Variants in CREB5 observed in about 807,000 individuals in gnomAD.
CREB5 encodes cAMP responsive element binding protein 5.
In CREB5, 19 loss-of-function variants were observed where a neutral mutation model predicts 57.1. The observed-to-expected ratio is 0.33, with a 90% CI of 0.23 to 0.49. The LOEUF (loss-of-function observed/expected upper bound fraction) is 0.49, where lower values mean the gene tolerates loss of function less well. CREB5 is among the 20% of genes least tolerant of loss of function. CREB5 has a pLI of 0.99. For synonymous variants in CREB5, 238 were observed against 238.3 expected (o/e 1.00, Z 0.01); for missense variants, 579 against 671.6 (o/e 0.86, Z 1.52).
chr7:28,507,493 G>T, intron 3 of CREB5, 123 bp from the exon 4 acceptor site: 1 of 1,163,916 alleles, frequency 8.6e-7, no homozygotes. Context: ...AGGGCCAAGA[G>T]ACTGGATGGC....
intron 4 of CREB5, among the ~76,000 whole-genome samples, chr7:28,539,901 G>A (rs1461800621): frequency 2.6e-5 from 4 of 152,116 alleles, no homozygotes; most frequent in Admixed American, 6.6e-5. Context: ...GCCCACCATC[G>A]CCTAAGTTGT....
chr7:28,491,133 T>C, intron 2 of CREB5: 2 of 853,922 alleles, frequency 2.3e-6, no homozygotes, highest in Non-Finnish European at 2.8e-6. Context: ...GAGAACTCTT[T>C]CAAGAGCACT....
At chr7:28,320,353 T>C (rs1785474993) in intron 1 of CREB5, among the ~76,000 whole-genome samples, 2 of 152,122 alleles carry the variant, frequency 1.3e-5, no homozygotes, top group African/African-American at 4.8e-5. Context: ...ACAGGGAATC[T>C]AGGGGCCGTT....
chr7:28,725,660 AAAG>A (rs772732900), intron 7 of CREB5, among the ~76,000 whole-genome samples: 44 of 132,290 alleles, frequency 3.3e-4, no homozygotes, highest in East Asian at 2.0e-3. Context: ...AAAAAAAAAA[AAAG>A]AAAGAAAGAA....
At chr7:28,467,742 T>G (rs1217847979) in intron 1 of CREB5, among the ~76,000 whole-genome samples, 1 of 152,112 alleles carries the variant, frequency 6.6e-6, no homozygotes, top group Admixed American at 6.5e-5. Context: ...ATCTACCTCA[T>G]GTCTATATCA....
At chr7:28,353,926 T>C (rs903876403) in intron 1 of CREB5, among the ~76,000 whole-genome samples, 2 of 151,710 alleles carry the variant, frequency 1.3e-5, no homozygotes, top group Middle Eastern at 3.4e-3. Context: ...CAAAGGGTGA[T>C]GAAGTGGACA....
intron 1 of CREB5, among the ~76,000 whole-genome samples, chr7:28,416,480 G>T (rs922154803): frequency 6.6e-6 from 1 of 152,154 alleles, no homozygotes; most frequent in Non-Finnish European, 1.5e-5. Flanking sequence ...GTTGGCTTCT[G>T]ACTGGCCAGG....
intron 7 of CREB5, among the ~76,000 whole-genome samples, chr7:28,735,521 G>T (rs1229586277): frequency 6.6e-6 from 1 of 152,186 alleles, no homozygotes; most frequent in Admixed American, 6.5e-5. Context: ...GGGTGGGTAA[G>T]TGTTGCTGAC....
At position 28,395,162 on chromosome 7, in the gene CREB5, A is replaced by T. The variant is rs139279174; in HGVS notation, c.-25+95721A>T. Among the ~76,000 whole-genome samples the T allele has an allele frequency of 1.4e-3, 214 of 152,300 alleles. 1 individual carries two copies. Among genetic ancestry groups the T allele is most frequent in the African/African-American group, 4.9e-3 (204 of 41,576 alleles). ...TATTAGGGTCTTCATTTAAACAAAA[A>T]CCATTTTAAATGACGTCTGTCAATC... On this transcript the variant is annotated intron_variant, in intron 1 of 9. Transcript: ENST00000396299.
At chr7:28,444,531 C>T (rs1039666697) in intron 1 of CREB5, among the ~76,000 whole-genome samples, 1 of 152,162 alleles carries the variant, frequency 6.6e-6, no homozygotes, top group Non-Finnish European at 1.5e-5. Context: ...ATCATTGTTC[C>T]TTTCAACCAA....
intron 1 of CREB5, among the ~76,000 whole-genome samples, chr7:28,466,581 T>A (rs1790581653): frequency 6.6e-6 from 1 of 152,184 alleles, no homozygotes; most frequent in South Asian, 2.1e-4. Context: ...ACTAAGCTTT[T>A]CGTGTCACAA....
intron 4 of CREB5, among the ~76,000 whole-genome samples, chr7:28,508,322 A>T (rs1196481084): frequency 6.6e-6 from 1 of 152,246 alleles, no homozygotes; most frequent in Non-Finnish European, 1.5e-5. Flanking sequence ...CTGAAATTTA[A>T]AATCACTTTA....
intron 5 of CREB5, among the ~76,000 whole-genome samples, chr7:28,679,031 C>A (rs1800462078): frequency 7.5e-6 from 1 of 133,820 alleles, no homozygotes; most frequent in African/African-American, 2.6e-5. Flanking sequence ...CCTCTTCAAA[C>A]TCATTTTTAC....
chr7:28,448,388 T>C (rs1018178348), intron 1 of CREB5, among the ~76,000 whole-genome samples: 12 of 152,376 alleles, frequency 7.9e-5, no homozygotes, highest in Admixed American at 2.6e-4. Flanking sequence ...TTTTATTTTT[T>C]ATTGCTTCCA....
At chr7:28,791,360 T>C (rs7801187) in intron 7 of CREB5, among the ~76,000 whole-genome samples, 93,645 of 152,098 alleles carry the variant, frequency 0.62, 29,478 homozygotes, top group African/African-American at 0.67. Context: ...TCTTTCTCTC[T>C]GTCCTTGTTT....
chr7:28,648,307 AT>A (rs1454728849), intron 5 of CREB5, among the ~76,000 whole-genome samples: 1 of 152,196 alleles, frequency 6.6e-6, no homozygotes, highest in African/African-American at 2.4e-5. Context: ...AAGAGGAGAT[AT>A]AAAGACAATG....
At chr7:28,770,969 G>A (rs1336574961) in intron 7 of CREB5, among the ~76,000 whole-genome samples, 1 of 152,120 alleles carries the variant, frequency 6.6e-6, no homozygotes, top group Non-Finnish European at 1.5e-5. Context: ...TGTTAATTAA[G>A]TTGATTGTGG....
chr7:28,532,009 C>T (rs1440977706), intron 4 of CREB5, among the ~76,000 whole-genome samples: 7 of 152,148 alleles, frequency 4.6e-5, no homozygotes, highest in South Asian at 4.1e-4. Context: ...AGCCTGGCAA[C>T]GGAGCAAGAC....
intron 4 of CREB5, among the ~76,000 whole-genome samples, chr7:28,517,118 A>G (rs1792996785): frequency 6.6e-6 from 1 of 152,240 alleles, no homozygotes; most frequent in African/African-American, 2.4e-5. Flanking sequence ...TCACATTTGG[A>G]AAACTGGACC....
Sources: gnomAD v4.1 joint callset for allele counts (sites outside exome capture counted in the v4.1 genomes callset) on GRCh38, gnomAD v4.1.1 for gene constraint, MANE v1.5 for transcripts, NCBI Gene and HGNC (gene_info 2026-07-23, HGNC 2026-07-21) for gene names.